FOXP1: variants seen among roughly 807,000 people sequenced by gnomAD.
The protein encoded by FOXP1 is forkhead box P1.
FOXP1 carries 15 observed loss-of-function variants against 98.2 expected under a neutral mutation model. The ratio of observed to expected loss-of-function variants is 0.15; its 90% CI spans 0.10 to 0.24. The LOEUF (loss-of-function observed/expected upper bound fraction) is 0.24. Among genes scored for constraint, FOXP1 ranks in the 10% least tolerant of loss-of-function variants. The pLI, the probability that FOXP1 is intolerant of heterozygous loss-of-function variation, is 1.00. For missense variants in FOXP1, 633 were observed against 848.5 expected (o/e 0.75, Z 3.15); for synonymous variants, 371 against 314.5 (o/e 1.18, Z -1.90).
At chr3:71,325,546 T>G (rs1421020759) in intron 4 of FOXP1, among the ~76,000 whole-genome samples, 1 of 152,186 alleles carries the variant, frequency 6.6e-6, no homozygotes, top group East Asian at 1.9e-4. Flanking sequence ...CCTAAGATAC[T>G]TCTAACCACT....
chr3:71,030,270 G>C (rs895304235), intron 11 of FOXP1, among the ~76,000 whole-genome samples: 2 of 152,196 alleles, frequency 1.3e-5, no homozygotes, highest in Non-Finnish European at 2.9e-5. Flanking sequence ...CATGAAACCA[G>C]TATGGTCCAT....
At chr3:71,075,482 A>G (rs1020077507) in intron 7 of FOXP1, among the ~76,000 whole-genome samples, 1 of 152,216 alleles carries the variant, frequency 6.6e-6, no homozygotes, top group African/African-American at 2.4e-5. Context: ...TCACTCCAAA[A>G]TTTAACTCAG....
chr3:71,220,752 CAAAATAAAATAAAAT>C (rs3033235), intron 5 of FOXP1, among the ~76,000 whole-genome samples: 22 of 132,794 alleles, frequency 1.7e-4, no homozygotes, highest in African/African-American at 4.4e-4. Flanking sequence ...GACCCTGTCT[CAAAATAAAATAAAAT>C]AAAATAAAAT....
chr3:71,224,337 G>T (rs2065658177), intron 5 of FOXP1, among the ~76,000 whole-genome samples: 2 of 152,192 alleles, frequency 1.3e-5, no homozygotes, highest in Non-Finnish European at 2.9e-5. Context: ...AAGAAGAGTA[G>T]ATGTGATCGT....
At chr3:71,327,533 G>A (rs1464687297) in intron 4 of FOXP1, among the ~76,000 whole-genome samples, 3 of 150,264 alleles carry the variant, frequency 2.0e-5, no homozygotes, top group Non-Finnish European at 3.0e-5. Flanking sequence ...GACTACAGGC[G>A]CCTGCCACCA....
chr3:71,441,148 A>C (rs749875717), intron 3 of FOXP1, among the ~76,000 whole-genome samples: 1 of 152,242 alleles, frequency 6.6e-6, no homozygotes, highest in Non-Finnish European at 1.5e-5. Context: ...CTAGCTTAGC[A>C]GTGCCTTTAG....
chr3:71,363,472 T>C (rs1268411119), intron 3 of FOXP1, among the ~76,000 whole-genome samples: 1 of 152,214 alleles, frequency 6.6e-6, no homozygotes, highest in Non-Finnish European at 1.5e-5. Flanking sequence ...AATGCCTAAA[T>C]GGCACACAAC....
intron 2 of FOXP1, among the ~76,000 whole-genome samples, chr3:71,501,063 G>A (rs2041302770): frequency 6.6e-6 from 1 of 152,040 alleles, no homozygotes; most frequent in African/African-American, 2.4e-5. Flanking sequence ...GGGGTGGCGG[G>A]TGCCTGTAAT....
At chr3:71,320,861 T>C (rs539064037) in intron 4 of FOXP1, among the ~76,000 whole-genome samples, 2 of 152,286 alleles carry the variant, frequency 1.3e-5, no homozygotes, top group East Asian at 3.9e-4. Flanking sequence ...TGCATAGTAT[T>C]TGTTCATACC....
intron 4 of FOXP1, among the ~76,000 whole-genome samples, chr3:71,354,365 T>A (rs2078017184): frequency 6.6e-6 from 1 of 151,984 alleles, no homozygotes. Flanking sequence ...CAGCTCTGAT[T>A]AACTTAAAGG....
At chr3:71,537,783 G>A (rs994111819) in intron 2 of FOXP1, among the ~76,000 whole-genome samples, 4 of 152,354 alleles carry the variant, frequency 2.6e-5, no homozygotes, top group Middle Eastern at 3.4e-3. Context: ...CTACTAGCCT[G>A]TAGGCCAAAT....
At chr3:71,293,675 T>C (rs947871870) in intron 5 of FOXP1, among the ~76,000 whole-genome samples, 5 of 152,172 alleles carry the variant, frequency 3.3e-5, no homozygotes, top group African/African-American at 1.2e-4. Flanking sequence ...GAAATCAATA[T>C]TTAAGAAATT....
At chr3:71,509,502 A>G (rs780515156) in intron 2 of FOXP1, among the ~76,000 whole-genome samples, 1 of 152,190 alleles carries the variant, frequency 6.6e-6, no homozygotes, top group South Asian at 2.1e-4. Context: ...CTCCAAATAC[A>G]GTCACATTCC....
At chr3:71,239,738 T>C (rs1266556452) in intron 5 of FOXP1, among the ~76,000 whole-genome samples, 1 of 152,216 alleles carries the variant, frequency 6.6e-6, no homozygotes, top group Admixed American at 6.5e-5. Context: ...AGTGTTACAC[T>C]TTGCTTTAAA....
At chr3:71,316,777 C>A (rs1487970750) in intron 4 of FOXP1, among the ~76,000 whole-genome samples, 1 of 151,874 alleles carries the variant, frequency 6.6e-6, no homozygotes, top group Non-Finnish European at 1.5e-5. Flanking sequence ...CCTATCCCAG[C>A]CTCCTGAGTA....
intron 6 of FOXP1, among the ~76,000 whole-genome samples, chr3:71,145,597 G>A (rs2060271815): frequency 6.6e-6 from 1 of 152,144 alleles, no homozygotes; most frequent in Admixed American, 6.5e-5. Flanking sequence ...TTCCAAGGTG[G>A]CAGCATCACT....
chr3:71,368,689 A>G (rs2079085646), intron 3 of FOXP1, among the ~76,000 whole-genome samples: 1 of 152,122 alleles, frequency 6.6e-6, no homozygotes, highest in Non-Finnish European at 1.5e-5. Flanking sequence ...TCCAATTCCA[A>G]TCCCAATTTC....
intron 5 of FOXP1, among the ~76,000 whole-genome samples, chr3:71,288,667 G>T (rs187166422): frequency 1.3e-5 from 2 of 152,242 alleles, no homozygotes; most frequent in East Asian, 3.9e-4. Context: ...TTAGAGAACG[G>T]GTCAAGAGGG....
chr3:71,001,049 T>C lies in FOXP1; in HGVS notation c.985A>G (p.Ser329Gly). Residue 329 changes from serine (S) to glycine (G), a missense_variant, in exon 13 of 21, where the codon AGT becomes GGT. By Grantham distance (56) the Ser-to-Gly change is moderately conservative (BLOSUM62 0). This residue lies in a region of FOXP1 where 23 missense variants were observed against 92.9 expected (regional missense o/e 0.25). Transcript: ENST00000649528. The part of the protein sequence containing the change: ...DFQSFLKHLN[S>G]EHALDDRSTA... ...CTTCTATCGTCCAGCGCATGCTCAC[T>C]GTTGAGATGTCTGCAACAATACATA... 6.2e-7 allele frequency: 1 copy of C among 1,611,736 alleles called. No individual in the cohort carries two copies. The highest frequency in any genetic ancestry group is 8.5e-7 in the Non-Finnish European group (1 of 1,177,942).
Sources: allele counts gnomAD v4.1 joint callset (sites outside exome capture counted in the v4.1 genomes callset), GRCh38; gene constraint gnomAD v4.1.1; regional missense constraint gnomAD v4.1.1; transcripts MANE v1.5; gene names NCBI Gene and HGNC (gene_info 2026-07-23, HGNC 2026-07-21).